Variants in RGS21 observed in about 807,000 individuals in gnomAD.
The protein encoded by RGS21 is regulator of G-protein signalling 21.
A neutral mutation model predicts 18.7 loss-of-function variants in RGS21; 19 were observed. The ratio of observed to expected loss-of-function variants is 1.01; its 90% confidence interval spans 0.71 to 1.49. RGS21 has a LOEUF of 1.49. Ranked by LOEUF, RGS21 falls within the 40% of genes most tolerant of loss-of-function variation. RGS21 has a pLI of 0.00. For missense variants in RGS21, 194 were observed against 176.8 expected (o/e 1.10, Z -0.55); for synonymous variants, 56 against 57.8 (o/e 0.97, Z 0.14).
At position 192,331,278 on chromosome 1, in the gene RGS21, G is replaced by T. The variant is rs149481851; in HGVS notation, c.-60-11699G>T. 2.9e-3 allele frequency among the ~76,000 whole-genome samples: 440 copies of T among 152,276 alleles called. 3 individuals carry two copies. The highest frequency in any genetic ancestry group is 9.7e-3 in the African/African-American group (402 of 41,560). ...TTTAAATAAATATGACTGTGGCTGG[G>T]TGTGGTGGCTCACGCCTATAATCCC... On this transcript the variant is annotated intron_variant, in intron 1 of 4. Transcript: ENST00000417209.
intron 1 of RGS21, among the ~76,000 whole-genome samples, chr1:192,339,678 C>A (rs1658828673): frequency 1.3e-5 from 2 of 151,976 alleles, no homozygotes; most frequent in African/African-American, 4.8e-5. Context: ...CACCCTTGTT[C>A]TCTCGTGTTT....
At chr1:192,350,178 G>A (rs1033471547) in intron 3 of RGS21, among the ~76,000 whole-genome samples, 2 of 152,086 alleles carry the variant, frequency 1.3e-5, no homozygotes, top group African/African-American at 4.8e-5. Context: ...ACACTCTCCA[G>A]TATTTCAACC....
intron 1 of RGS21, among the ~76,000 whole-genome samples, chr1:192,320,258 C>T (rs1003592346): frequency 6.7e-6 from 1 of 148,476 alleles, no homozygotes; most frequent in Non-Finnish European, 1.5e-5. Context: ...ATCTAACATA[C>T]CTGCACTTGT....
intron 4 of RGS21, among the ~76,000 whole-genome samples, chr1:192,358,429 A>G (rs527649264): frequency 1.3e-5 from 2 of 152,194 alleles, no homozygotes; most frequent in East Asian, 1.9e-4. Flanking sequence ...TTTGCTTTTA[A>G]TGATGCCAAA....
intron 1 of RGS21, among the ~76,000 whole-genome samples, chr1:192,336,491 T>C (rs1658770406): frequency 6.6e-6 from 1 of 152,004 alleles, no homozygotes; most frequent in Non-Finnish European, 1.5e-5. Context: ...AAGGCTCAAG[T>C]AGTCAAAGAA....
intron 1 of RGS21, among the ~76,000 whole-genome samples, chr1:192,330,678 A>C (rs1658633773): frequency 6.6e-6 from 1 of 152,188 alleles, no homozygotes; most frequent in African/African-American, 2.4e-5. Context: ...ATTAATCACT[A>C]AGAAGTGAGG....
chr1:192,342,687 A>T (rs530226868), intron 1 of RGS21, among the ~76,000 whole-genome samples: 167 of 151,926 alleles, frequency 1.1e-3, no homozygotes, highest in Non-Finnish European at 1.8e-3. Context: ...ATCATTATAT[A>T]TTGGTTTAAC....
intron 1 of RGS21, among the ~76,000 whole-genome samples, chr1:192,327,282 A>G (rs1203194153): frequency 6.6e-6 from 1 of 152,098 alleles, no homozygotes; most frequent in African/African-American, 2.4e-5. Flanking sequence ...GGAAAATGAC[A>G]GTAGCCTCCG....
At chr1:192,323,770 G>A (rs1387240586) in intron 1 of RGS21, among the ~76,000 whole-genome samples, 1 of 152,000 alleles carries the variant, frequency 6.6e-6, no homozygotes, top group African/African-American at 2.4e-5. Flanking sequence ...TAAATTTCCT[G>A]AAGATTACTT....
chr1:192,326,262 C>T (rs1403873307), intron 1 of RGS21, among the ~76,000 whole-genome samples: 2 of 151,890 alleles, frequency 1.3e-5, no homozygotes, highest in African/African-American at 4.8e-5. Context: ...TACATTAAGC[C>T]ATTATGATAT....
At chr1:192,362,434 A>G (rs1659198422) in intron 4 of RGS21, among the ~76,000 whole-genome samples, 1 of 152,246 alleles carries the variant, frequency 6.6e-6, no homozygotes, top group African/African-American at 2.4e-5. Context: ...ATTTACACGC[A>G]TATGTGCATG....
intron 4 of RGS21, among the ~76,000 whole-genome samples, chr1:192,364,141 C>T (rs749996545): frequency 1.6e-4 from 24 of 152,132 alleles, no homozygotes; most frequent in Non-Finnish European, 2.8e-4. Context: ...AGAGGACAGA[C>T]TTGAAAAGGA....
At chr1:192,345,340 A>G (rs1658930643) in intron 2 of RGS21, among the ~76,000 whole-genome samples, 1 of 151,906 alleles carries the variant, frequency 6.6e-6, no homozygotes, top group Admixed American at 6.6e-5. Context: ...TTCCCAGAAC[A>G]CTCTATGCCT....
chr1:192,351,430 C>A (rs558073755), intron 3 of RGS21, among the ~76,000 whole-genome samples: 1 of 152,058 alleles, frequency 6.6e-6, no homozygotes, highest in East Asian at 1.9e-4. Flanking sequence ...TTTGTTTCTG[C>A]ACCAACTTAT....
At chr1:192,356,430 A>G (rs1306196933) in intron 4 of RGS21, among the ~76,000 whole-genome samples, 1 of 151,838 alleles carries the variant, frequency 6.6e-6, no homozygotes, top group Non-Finnish European at 1.5e-5. Context: ...GTTTGACTCT[A>G]AAGAACTTTT....
At chr1:192,319,329 T>C (rs1658463888) in intron 1 of RGS21, among the ~76,000 whole-genome samples, 1 of 152,142 alleles carries the variant, frequency 6.6e-6, no homozygotes, top group African/African-American at 2.4e-5. Flanking sequence ...TGTTTCAAAA[T>C]GTTTGTTTTC....
chr1:192,351,673 A>G (rs1028043784), intron 3 of RGS21, among the ~76,000 whole-genome samples: 1 of 148,166 alleles, frequency 6.7e-6, no homozygotes, highest in African/African-American at 2.4e-5. Context: ...AACATATATA[A>G]CACATATAAT....
At chr1:192,321,749 CTT>C (rs1658500876) in intron 1 of RGS21, among the ~76,000 whole-genome samples, 1 of 151,902 alleles carries the variant, frequency 6.6e-6, no homozygotes, top group Non-Finnish European at 1.5e-5. Context: ...CATACTCACT[CTT>C]TGATGTATTA....
Position 192,350,088 on chromosome 1 carries a change from T to C in RGS21, c.89-1959T>C, listed in dbSNP as rs190015958. Among the ~76,000 whole-genome samples the C allele has an allele frequency of 5.9e-5, 9 of 152,316 alleles. No individual in the cohort carries two copies. In the East Asian group the frequency reaches 1.5e-3, roughly 26 times the overall value. ...ACTAAGGGGATTTTTATAACCTAAA[T>C]TGGTGTTACAGAAACTTCTTGAGCA... On this transcript the variant is annotated intron_variant, in intron 3 of 4. Coordinates refer to ENST00000417209, the MANE Select transcript of RGS21 (RefSeq NM_001039152.3).
Sources: gnomAD v4.1 joint callset for allele counts (sites outside exome capture counted in the v4.1 genomes callset) on GRCh38, gnomAD v4.1.1 for gene constraint, MANE v1.5 for transcripts, NCBI Gene and HGNC (gene_info 2026-07-23, HGNC 2026-07-21) for gene names.